Variants in CCDC178 observed in about 807,000 individuals in gnomAD.
The protein encoded by CCDC178 is coiled-coil domain containing 178.
A neutral mutation model predicts 117.4 loss-of-function variants in CCDC178; 126 were observed. That is an observed-to-expected ratio of 1.07 (90% confidence interval 0.93 to 1.24). The LOEUF is 1.24. Among genes scored for constraint, CCDC178 ranks in the 50% most tolerant of loss-of-function variants. The pLI, the probability that CCDC178 is intolerant of heterozygous loss-of-function variation, is 0.00. For missense variants in CCDC178, 1,030 were observed against 986.9 expected (o/e 1.04, Z -0.59); for synonymous variants, 283 against 313.4 (o/e 0.90, Z 1.02).
In CCDC178 at chr18:33,328,344, G is replaced by A. The variant is rs182252814; in HGVS notation, c.880-4711C>T. On this transcript the variant is annotated intron_variant, in intron 10 of 22. Transcript: ENST00000383096. ...TCTCGATCTCTTGACCTCGTGATCC[G>A]CCCACCTCAGCCTCCCAAAGTGCTG... 7.9e-3 allele frequency among the ~76,000 whole-genome samples: 1,196 copies of A among 151,898 alleles called. 10 individuals are homozygous for A. The highest frequency in any genetic ancestry group is 0.037 in the Middle Eastern group (11 of 294).
intron 20 of CCDC178, among the ~76,000 whole-genome samples, chr18:33,208,673 G>A (rs796475793): frequency 2.6e-5 from 4 of 152,174 alleles, no homozygotes; most frequent in African/African-American, 9.6e-5. Context: ...ATATCTCAGA[G>A]AATAAATTTG....
chr18:33,351,238 G>T (rs2062976176), intron 7 of CCDC178, among the ~76,000 whole-genome samples: 1 of 151,504 alleles, frequency 6.6e-6, no homozygotes, highest in African/African-American at 2.4e-5. Context: ...TGTCGCCCAG[G>T]TTGGAGTGCA....
At chr18:33,076,042 G>A (rs897633870) in intron 21 of CCDC178, among the ~76,000 whole-genome samples, 8 of 152,196 alleles carry the variant, frequency 5.3e-5, no homozygotes, top group African/African-American at 1.9e-4. Context: ...CTGAAGTTAT[G>A]TTCCCTTTGT....
intron 20 of CCDC178, among the ~76,000 whole-genome samples, chr18:33,185,432 A>C (rs1473417681): frequency 6.6e-6 from 1 of 152,062 alleles, no homozygotes; most frequent in Non-Finnish European, 1.5e-5. Flanking sequence ...ACATGCAAAC[A>C]CAGGGGAAAA....
At chr18:33,043,886 A>T (rs1302410445) in intron 21 of CCDC178, among the ~76,000 whole-genome samples, 1 of 151,744 alleles carries the variant, frequency 6.6e-6, no homozygotes, top group Non-Finnish European at 1.5e-5. Context: ...GTTTAATTCA[A>T]CTTGTAGCAA....
intron 11 of CCDC178, among the ~76,000 whole-genome samples, chr18:33,320,814 G>C (rs1207235423): frequency 1.3e-5 from 2 of 152,132 alleles, no homozygotes; most frequent in Non-Finnish European, 2.9e-5. Flanking sequence ...AAAGCTGGAG[G>C]CATCACACTA....
intron 21 of CCDC178, among the ~76,000 whole-genome samples, chr18:33,090,438 G>C (rs2057446167): frequency 6.6e-6 from 1 of 152,166 alleles, no homozygotes; most frequent in African/African-American, 2.4e-5. Flanking sequence ...AAGGGAATCA[G>C]AGACTGAATA....
intron 9 of CCDC178, among the ~76,000 whole-genome samples, chr18:33,343,594 C>T (rs921588883): frequency 6.6e-6 from 1 of 152,018 alleles, no homozygotes; most frequent in African/African-American, 2.4e-5. Context: ...TTGAGCCCAA[C>T]AGGAAGACAG....
At position 33,370,118 on chromosome 18, in the gene CCDC178, G is replaced by A; in HGVS notation, c.280C>T (p.Pro94Ser). 1 of 1,606,124 alleles carries A rather than the reference G, an allele frequency of 6.2e-7. No homozygotes were observed. Among genetic ancestry groups the A allele is most frequent in the Non-Finnish European group, 8.5e-7 (1 of 1,176,448 alleles). Residue 94 changes from proline (P) to serine (S), a missense_variant, in exon 6 of 23, where the codon CCT (proline) becomes TCT (serine). By Grantham distance (74) the Pro-to-Ser change is moderately conservative. Transcript: ENST00000383096. ...TGTGAAATCATTTTGTTGACACAAG[G>A]TGCTGGAATATTTACTACGGCACAG... The part of the protein sequence containing the change: ...HSCAVVNIPA[P>S]CVNKMISHIQ...
chr18:33,366,918 T>C (rs1412413031), intron 6 of CCDC178, among the ~76,000 whole-genome samples: 2 of 152,060 alleles, frequency 1.3e-5, no homozygotes, highest in African/African-American at 2.4e-5. Context: ...ATGTTCCACT[T>C]CCTCTCAAAG....
chr18:33,096,922 G>A (rs867608663), intron 20 of CCDC178, among the ~76,000 whole-genome samples: 2 of 152,122 alleles, frequency 1.3e-5, no homozygotes, highest in Admixed American at 6.6e-5. Flanking sequence ...GCAATGATCT[G>A]AGACTTTATA....
chr18:33,368,862 C>A (rs1405441623), intron 6 of CCDC178, among the ~76,000 whole-genome samples: 1 of 151,548 alleles, frequency 6.6e-6, no homozygotes, highest in Admixed American at 6.6e-5. Flanking sequence ...ATTAAAATAC[C>A]TGTTTTAATT....
intron 20 of CCDC178, among the ~76,000 whole-genome samples, chr18:33,177,688 T>A (rs1266956605): frequency 6.6e-6 from 1 of 152,216 alleles, no homozygotes; most frequent in African/African-American, 2.4e-5. Context: ...TAAGCTATAA[T>A]GAATTTGTCT....
At chr18:33,423,959 T>G (rs986404399) in intron 2 of CCDC178, among the ~76,000 whole-genome samples, 13 of 152,330 alleles carry the variant, frequency 8.5e-5, no homozygotes, top group African/African-American at 3.1e-4. Context: ...TTTCTTTTTA[T>G]CAATGTTATT....
chr18:33,304,641 T>G (rs1019225827), intron 11 of CCDC178, among the ~76,000 whole-genome samples: 2 of 152,174 alleles, frequency 1.3e-5, no homozygotes, highest in Non-Finnish European at 2.9e-5. Flanking sequence ...CTGCTTATCT[T>G]TAAGAAACAG....
chr18:33,304,841 A>G (rs568231395), intron 11 of CCDC178, among the ~76,000 whole-genome samples: 10 of 152,296 alleles, frequency 6.6e-5, no homozygotes, highest in African/African-American at 2.2e-4. Context: ...AAGGCACCAT[A>G]AAAGGATAAA....
intron 18 of CCDC178, among the ~76,000 whole-genome samples, chr18:33,217,515 G>A (rs2059180902): frequency 6.6e-6 from 1 of 151,154 alleles, no homozygotes; most frequent in Non-Finnish European, 1.5e-5. Flanking sequence ...TAATAAATAT[G>A]TTAAATATTT....
At chr18:33,340,539 T>C (rs1188060187) in intron 9 of CCDC178, among the ~76,000 whole-genome samples, 1 of 152,130 alleles carries the variant, frequency 6.6e-6, no homozygotes, top group African/African-American at 2.4e-5. Flanking sequence ...TGGCAGACCC[T>C]CCCATCACAA....
chr18:33,361,191 C>G (rs1288233672), intron 6 of CCDC178, among the ~76,000 whole-genome samples: 2 of 151,550 alleles, frequency 1.3e-5, no homozygotes, highest in African/African-American at 4.8e-5. Context: ...AGTTAAAACA[C>G]AGACGGACAA....
Sources: gnomAD v4.1 joint callset for allele counts (sites outside exome capture counted in the v4.1 genomes callset) on GRCh38, gnomAD v4.1.1 for gene constraint, MANE v1.5 for transcripts, NCBI Gene and HGNC (gene_info 2026-07-23, HGNC 2026-07-21) for gene names.